Variants in MDGA2 observed in about 807,000 individuals in gnomAD.
MDGA2 encodes MAM domain-containing glycosylphosphatidylinositol anchor protein 2.
A neutral mutation model predicts 117.8 loss-of-function variants in MDGA2; 40 were observed. That is an observed-to-expected ratio of 0.34 (90% CI 0.26 to 0.44). The LOEUF is 0.44. Among genes scored for constraint, MDGA2 ranks in the 20% least tolerant of loss-of-function variants. The probability of loss-of-function intolerance (pLI) is 1.00; values close to 1 mark genes in which losing one functional copy is unlikely to be tolerated. For missense variants in MDGA2, 1,123 were observed against 1,250.6 expected, an observed-to-expected ratio of 0.90 and a Z score of 1.54; for synonymous variants, 452 against 439.0, an observed-to-expected ratio of 1.03 and a Z score of -0.37.
At chr14:47,339,893 A>G (rs1177317102) in intron 1 of MDGA2, among the ~76,000 whole-genome samples, 1 of 152,174 alleles carries the variant, frequency 6.6e-6, no homozygotes, top group Non-Finnish European at 1.5e-5. Flanking sequence ...TATACATTAT[A>G]TAATCATGAG....
intron 10 of MDGA2, among the ~76,000 whole-genome samples, chr14:46,891,238 T>A (rs1882871930): frequency 6.6e-6 from 1 of 151,982 alleles, no homozygotes; most frequent in South Asian, 2.1e-4. Context: ...AACTTTAAAT[T>A]GTTTCTATAT....
chr14:47,528,019 A>G (rs979510258), intron 1 of MDGA2, among the ~76,000 whole-genome samples: 1 of 152,242 alleles, frequency 6.6e-6, no homozygotes, highest in African/African-American at 2.4e-5. Flanking sequence ...TGAAGCTAAC[A>G]AAATAAGACT....
At chr14:47,465,573 GA>G (rs1043564901) in intron 1 of MDGA2, among the ~76,000 whole-genome samples, 59 of 152,088 alleles carry the variant, frequency 3.9e-4, no homozygotes, top group African/African-American at 1.4e-3. Context: ...AGAAGCATAT[GA>G]AAAAAAGCTC....
At chr14:47,506,618 G>A (rs1189736739) in intron 1 of MDGA2, among the ~76,000 whole-genome samples, 2 of 152,206 alleles carry the variant, frequency 1.3e-5, no homozygotes, top group Non-Finnish European at 2.9e-5. Flanking sequence ...GTGCTGTCCA[G>A]TATGGTAGCC....
chr14:46,883,183 T>C (rs1279554390), intron 10 of MDGA2, among the ~76,000 whole-genome samples: 3 of 152,094 alleles, frequency 2.0e-5, no homozygotes, highest in African/African-American at 7.2e-5. Context: ...ACAAACCGAA[T>C]TCATAAAGTT....
chr14:47,088,797 T>G (rs530963419), intron 6 of MDGA2, among the ~76,000 whole-genome samples: 1 of 152,316 alleles, frequency 6.6e-6, no homozygotes, highest in East Asian at 1.9e-4. Context: ...TGATTCCCAC[T>G]GATATCTTCC....
chr14:46,967,767 T>C (rs1886093122), intron 8 of MDGA2, among the ~76,000 whole-genome samples: 1 of 152,196 alleles, frequency 6.6e-6, no homozygotes, highest in African/African-American at 2.4e-5. Context: ...TTTTTTCTTA[T>C]ACATGCATAC....
intron 1 of MDGA2, among the ~76,000 whole-genome samples, chr14:47,307,835 C>T (rs1889505417): frequency 6.6e-6 from 1 of 152,030 alleles, no homozygotes. Context: ...GTTGATGCTA[C>T]ATAGAATAGA....
intron 2 of MDGA2, among the ~76,000 whole-genome samples, chr14:47,297,554 A>C (rs1006295549): frequency 7.9e-5 from 12 of 151,372 alleles, no homozygotes; most frequent in Non-Finnish European, 1.8e-4. Flanking sequence ...GGAAGGAAAG[A>C]AAAAGGGTAG....
chr14:47,591,761 T>A (rs1896443767), intron 1 of MDGA2, among the ~76,000 whole-genome samples: 1 of 152,098 alleles, frequency 6.6e-6, no homozygotes, highest in East Asian at 1.9e-4. Context: ...CTCAATAAAC[T>A]AGGCATTGAT....
intron 3 of MDGA2, among the ~76,000 whole-genome samples, chr14:47,213,878 C>CT (rs1464747562): frequency 6.6e-6 from 1 of 152,126 alleles, no homozygotes; most frequent in East Asian, 1.9e-4. Flanking sequence ...CCTCAGTAAA[C>CT]TTACAATCAC....
At chr14:47,470,776 C>T (rs1893708368) in intron 1 of MDGA2, among the ~76,000 whole-genome samples, 1 of 152,090 alleles carries the variant, frequency 6.6e-6, no homozygotes, top group Non-Finnish European at 1.5e-5. Flanking sequence ...CCCACCATTT[C>T]TGTCAAAATT....
chr14:47,017,584 C>A (rs1888129639), intron 8 of MDGA2, among the ~76,000 whole-genome samples: 1 of 151,468 alleles, frequency 6.6e-6, no homozygotes, highest in Non-Finnish European at 1.5e-5. Flanking sequence ...CAATCTTCAA[C>A]ATTCAGGGGG....
intron 10 of MDGA2, among the ~76,000 whole-genome samples, chr14:46,912,798 C>G (rs1043262016): frequency 4.6e-5 from 7 of 152,172 alleles, no homozygotes; most frequent in Non-Finnish European, 1.0e-4. Context: ...AAGGGTCCAT[C>G]CCTGACCCAG....
chr14:47,643,861 G>T (rs1200758946), intron 1 of MDGA2, among the ~76,000 whole-genome samples: 1 of 152,012 alleles, frequency 6.6e-6, no homozygotes, highest in Non-Finnish European at 1.5e-5. Flanking sequence ...TTTTGTGAGG[G>T]TTACTGATTA....
chr14:47,335,879 T>G (rs1890441025), intron 1 of MDGA2, among the ~76,000 whole-genome samples: 1 of 150,996 alleles, frequency 6.6e-6, no homozygotes, highest in Admixed American at 6.6e-5. Context: ...AGGACTCAAA[T>G]GTAGGGTATA....
At chr14:47,659,922 T>A (rs1897813605) in intron 1 of MDGA2, among the ~76,000 whole-genome samples, 1 of 152,220 alleles carries the variant, frequency 6.6e-6, no homozygotes, top group South Asian at 2.1e-4. Context: ...GCTCCACCAT[T>A]TAACATTAGC....
rs74506457 is a variant in MDGA2 at position 47,669,587 on chromosome 14, G to T, written c.280+4930C>A. Among the ~76,000 whole-genome samples, 454 of 152,258 alleles carry T rather than the reference G, an allele frequency of 3.0e-3. 11 individuals are homozygous for T. The East Asian group carries it at 0.073, about 24-fold the overall frequency. ...GGACAATTTTTGAATGGGCAAAAAT[G>T]ATCCCAAGATACAATGAGCAGCCCA... On this transcript the variant is annotated intron_variant, in intron 1 of 16. Coordinates refer to ENST00000399232, the MANE Select transcript of MDGA2 (RefSeq NM_001113498.3).
chr14:47,493,574 T>C (rs970097896), intron 1 of MDGA2, among the ~76,000 whole-genome samples: 1 of 151,932 alleles, frequency 6.6e-6, no homozygotes, highest in African/African-American at 2.4e-5. Context: ...CACCTCGGCC[T>C]CCCAAAGTGC....
Sources: gnomAD v4.1 joint callset for allele counts (sites outside exome capture counted in the v4.1 genomes callset) on GRCh38, gnomAD v4.1.1 for gene constraint, MANE v1.5 for transcripts, NCBI Gene and HGNC (gene_info 2026-07-23, HGNC 2026-07-21) for gene names.